The following NRG3 variants were observed in gnomAD, a reference collection of about 807,000 sequenced individuals.
NRG3 encodes neuregulin 3.
NRG3 carries 31 observed loss-of-function variants against 66.9 expected under a neutral mutation model. The ratio of observed to expected loss-of-function variants is 0.46; its 90% confidence interval spans 0.35 to 0.63. NRG3 has a LOEUF of 0.63. NRG3 is among the 20% of genes least tolerant of loss of function. The pLI is 0.00. For missense variants in NRG3, 910 were observed against 878.9 expected, an observed-to-expected ratio of 1.04 and a Z score of -0.45; for synonymous variants, 393 against 359.4, an observed-to-expected ratio of 1.09 and a Z score of -1.06.
chr10:81,915,583 C>G (rs909985543), intron 1 of NRG3, among the ~76,000 whole-genome samples: 4 of 147,504 alleles, frequency 2.7e-5, no homozygotes, highest in African/African-American at 1.0e-4. Flanking sequence ...CTTGAATCCA[C>G]AAGTAATAAG....
chr10:82,829,203 A>G (rs1393793417), intron 3 of NRG3, among the ~76,000 whole-genome samples: 1 of 152,008 alleles, frequency 6.6e-6, no homozygotes, highest in Non-Finnish European at 1.5e-5. Flanking sequence ...TCTAGTGATT[A>G]AAAAAAAGAA....
At chr10:81,997,561 T>G (rs1424841237) in intron 1 of NRG3, among the ~76,000 whole-genome samples, 1 of 152,098 alleles carries the variant, frequency 6.6e-6, no homozygotes, top group African/African-American at 2.4e-5. Context: ...GAATTCCAAT[T>G]AGCCCAGTTA....
At chr10:82,965,874 A>G (rs1851164645) in intron 6 of NRG3, among the ~76,000 whole-genome samples, 1 of 152,154 alleles carries the variant, frequency 6.6e-6, no homozygotes, top group African/African-American at 2.4e-5. Flanking sequence ...TTGAGGGCCT[A>G]CACCTGAGCT....
At chr10:82,440,940 T>G (rs2090403147) in intron 2 of NRG3, among the ~76,000 whole-genome samples, 1 of 152,220 alleles carries the variant, frequency 6.6e-6, no homozygotes, top group South Asian at 2.1e-4. Context: ...GTTTGCTGAC[T>G]CAGCTTAAAT....
At chr10:82,362,843 A>AT (rs2084275792) in intron 2 of NRG3, among the ~76,000 whole-genome samples, 1 of 152,116 alleles carries the variant, frequency 6.6e-6, no homozygotes, top group South Asian at 2.1e-4. Flanking sequence ...AGGTAAATAG[A>AT]ATCAGAAGTG....
intron 2 of NRG3, among the ~76,000 whole-genome samples, chr10:82,563,571 ATTATT>A (rs1235355108): frequency 6.6e-6 from 1 of 151,886 alleles, no homozygotes; most frequent in African/African-American, 2.4e-5. Context: ...TTATATTTTT[ATTATT>A]TTATTTTCTT....
At chr10:82,104,497 C>A (rs2066944469) in intron 1 of NRG3, among the ~76,000 whole-genome samples, 1 of 152,112 alleles carries the variant, frequency 6.6e-6, no homozygotes, top group African/African-American at 2.4e-5. Flanking sequence ...AAATCAAGAA[C>A]TTTGTTGCCA....
chr10:82,750,351 C>T (rs376294966), intron 3 of NRG3, among the ~76,000 whole-genome samples: 37 of 152,052 alleles, frequency 2.4e-4, no homozygotes, highest in African/African-American at 8.9e-4. Context: ...GTACTACCAG[C>T]GTTTCAGTTT....
intron 1 of NRG3, among the ~76,000 whole-genome samples, chr10:82,058,882 G>A (rs1036245378): frequency 6.6e-6 from 1 of 152,094 alleles, no homozygotes; most frequent in African/African-American, 2.4e-5. Context: ...TATATAGGAG[G>A]TGCGTCTGAC....
intron 2 of NRG3, among the ~76,000 whole-genome samples, chr10:82,372,739 A>G (rs1233399054): frequency 6.6e-6 from 1 of 152,154 alleles, no homozygotes; most frequent in Non-Finnish European, 1.5e-5. Context: ...GATTACAGGC[A>G]TGCACCACCA....
chr10:82,659,635 G>A (rs1195387777), intron 2 of NRG3, among the ~76,000 whole-genome samples: 5 of 151,976 alleles, frequency 3.3e-5, no homozygotes, highest in East Asian at 2.0e-4. Flanking sequence ...CAGAGCGAGC[G>A]AGCGAGACTC....
intron 1 of NRG3, among the ~76,000 whole-genome samples, chr10:82,102,018 T>TAC (rs1554825184): frequency 2.1e-5 from 3 of 145,174 alleles, no homozygotes; most frequent in Admixed American, 6.9e-5. Context: ...TATATATATA[T>TAC]ACGCACACAT....
At chr10:82,761,916 TTCTTTC>T (rs1479463270) in intron 3 of NRG3, among the ~76,000 whole-genome samples, 14 of 132,858 alleles carry the variant, frequency 1.1e-4, no homozygotes, top group East Asian at 6.3e-4. Flanking sequence ...TCTTCTTTCT[TTCTTTC>T]TCTTTCTTTC....
At chr10:82,199,027 G>T (rs1163284783) in intron 1 of NRG3, among the ~76,000 whole-genome samples, 15 of 150,006 alleles carry the variant, frequency 1.0e-4, no homozygotes, top group Non-Finnish European at 2.2e-4. Context: ...AAATTTTCTG[G>T]GCGTGGTTGC....
chr10:81,932,571 C>A (rs551524355), intron 1 of NRG3, among the ~76,000 whole-genome samples: 1 of 152,078 alleles, frequency 6.6e-6, no homozygotes, highest in Non-Finnish European at 1.5e-5. Flanking sequence ...AGCTCCAAAG[C>A]GATATTTACT....
chr10:82,774,593 T>C (rs7916198), intron 3 of NRG3, among the ~76,000 whole-genome samples: 1,768 of 152,084 alleles, frequency 0.012, 31 homozygotes, highest in African/African-American at 0.041. Context: ...ATCCTTCTTT[T>C]TTATTTCTGA....
chr10:82,819,726 G>A (rs2061864176), intron 3 of NRG3, among the ~76,000 whole-genome samples: 1 of 152,124 alleles, frequency 6.6e-6, no homozygotes, highest in African/African-American at 2.4e-5. Context: ...ATTACTCTGG[G>A]TCCTTTGCTG....
At chr10:81,880,019 T>C (rs2132462562) in intron 1 of NRG3, among the ~76,000 whole-genome samples, 1 of 152,280 alleles carries the variant, frequency 6.6e-6, no homozygotes, top group East Asian at 1.9e-4. Context: ...TGAAATCCAA[T>C]TGAGAGCTTT....
At chr10:82,189,768 T>A (rs2074024702) in intron 1 of NRG3, among the ~76,000 whole-genome samples, 2 of 149,630 alleles carry the variant, frequency 1.3e-5, no homozygotes. Flanking sequence ...CCAGCCTGGG[T>A]GACAGAGCAA....
Sources: gnomAD v4.1 joint callset for allele counts (sites outside exome capture counted in the v4.1 genomes callset) on GRCh38, gnomAD v4.1.1 for gene constraint, MANE v1.5 for transcripts, NCBI Gene and HGNC (gene_info 2026-07-23, HGNC 2026-07-21) for gene names.